Variants in MICU3 observed in about 807,000 individuals in gnomAD.
MICU3 encodes calcium uptake protein 3, mitochondrial.
In MICU3, 62 loss-of-function variants were observed where a neutral mutation model predicts 66.5. The ratio of observed to expected loss-of-function variants is 0.93; its 90% CI spans 0.76 to 1.15. The LOEUF (loss-of-function observed/expected upper bound fraction) is 1.15, where lower values mean the gene tolerates loss of function less well. Ranked by LOEUF, MICU3 falls within the 50% of genes most tolerant of loss-of-function variation. The pLI is 0.00. For missense variants in MICU3, 779 were observed against 664.4 expected, an observed-to-expected ratio of 1.17 and a Z score of -1.90; for synonymous variants, 308 against 240.7, an observed-to-expected ratio of 1.28 and a Z score of -2.59.
At chr8:17,043,656 T>C (rs553751698) in intron 1 of MICU3, among the ~76,000 whole-genome samples, 2 of 152,324 alleles carry the variant, frequency 1.3e-5, no homozygotes, top group South Asian at 2.1e-4. Flanking sequence ...GATTTTATGT[T>C]CTTATAGTAA....
chr8:17,027,807 C>G, intron 1 of MICU3, 147 bp downstream of exon 1: 1 of 1,056,808 alleles, frequency 9.5e-7, no homozygotes, highest in Non-Finnish European at 1.2e-6. Context: ...CTAGGCCGGA[C>G]AGCCTAGGAT....
intron 8 of MICU3, among the ~76,000 whole-genome samples, chr8:17,092,496 T>C (rs931133442): frequency 3.9e-5 from 6 of 152,048 alleles, no homozygotes; most frequent in Admixed American, 3.9e-4. Flanking sequence ...TAATATTTTT[T>C]CTTTATTTCA....
the MICU3 span, chr8:17,131,329 G>A: frequency 1.3e-5 from 2 of 152,214 alleles, no homozygotes; most frequent in South Asian, 4.1e-4. Context: ...CTGGATAGTG[G>A]AGAAGTCACT....
intron 3 of MICU3, among the ~76,000 whole-genome samples, chr8:17,075,566 A>G (rs527682880): frequency 3.3e-5 from 5 of 152,294 alleles, no homozygotes; most frequent in Admixed American, 1.3e-4. Context: ...GATTCCTGAC[A>G]TGGGTGGAAA....
intron 2 of MICU3, among the ~76,000 whole-genome samples, chr8:17,064,463 C>A (rs1262603228): frequency 6.6e-6 from 1 of 152,116 alleles, no homozygotes; most frequent in East Asian, 1.9e-4. Flanking sequence ...TTAACACCAT[C>A]TTACTTTTGA....
the MICU3 span, chr8:17,134,263 T>C: frequency 1.3e-5 from 2 of 152,172 alleles, no homozygotes; most frequent in African/African-American, 2.4e-5. Context: ...GAGACTCAGG[T>C]GAGCAGACGT....
intron 1 of MICU3, among the ~76,000 whole-genome samples, chr8:17,042,400 C>A (rs1290032441): frequency 6.6e-6 from 1 of 152,190 alleles, no homozygotes; most frequent in Non-Finnish European, 1.5e-5. Context: ...TTTAAAAAAT[C>A]AAGCAAGCTC....
chr8:17,112,885 G>A (rs550981165), intron 11 of MICU3, among the ~76,000 whole-genome samples: 4 of 152,124 alleles, frequency 2.6e-5, no homozygotes, highest in Non-Finnish European at 5.9e-5. Flanking sequence ...TCCACATCAC[G>A]ACAAACCCTT....
chr8:17,051,765 A>C (rs185554728), intron 1 of MICU3, among the ~76,000 whole-genome samples: 149 of 152,294 alleles, frequency 9.8e-4, no homozygotes, highest in Admixed American at 5.8e-3. Context: ...GTGGCATGGT[A>C]GAGAAGAGAG....
In MICU3 at chr8:17,085,629, G is replaced by T. The variant is rs113297784; in HGVS notation, c.777+311G>T. Among the ~76,000 whole-genome samples the T allele has an allele frequency of 5.8e-3, 875 of 152,106 alleles. 7 individuals carry two copies. The highest frequency in any genetic ancestry group is 0.02 in the African/African-American group (830 of 41,506). ...GTTATACATGCCCAATTAATATTCA[G>T]TCCCCATTATGTCATCCACCTAGGC... On this transcript the variant is annotated intron_variant, in intron 6 of 14. Transcript: ENST00000318063.
intron 1 of MICU3, among the ~76,000 whole-genome samples, chr8:17,055,425 G>A (rs186125388): frequency 5.9e-5 from 9 of 152,306 alleles, no homozygotes; most frequent in Non-Finnish European, 8.8e-5. Context: ...GTCACCCAAA[G>A]TTGGTATGAC....
intron 8 of MICU3, among the ~76,000 whole-genome samples, chr8:17,097,779 T>C (rs1275776698): frequency 6.6e-6 from 1 of 151,198 alleles, no homozygotes. Flanking sequence ...CTTCCTAGAG[T>C]GATTAGACTA....
At position 17,055,306 on chromosome 8, in the gene MICU3, T is replaced by C. The variant is rs564024148; in HGVS notation, c.382-8778T>C. 2.0e-5 allele frequency among the ~76,000 whole-genome samples: 3 copies of C among 152,272 alleles called. No individual in the cohort carries two copies. In the South Asian group the frequency reaches 6.2e-4, roughly 32 times the overall value. The stretch of plus-strand genomic sequence containing the variant: ...TAGAAGTGTTACCTCCCATGAGGCT[T>C]TTAATTTTACAAATGTGGTTTGTTT... On this transcript the variant is annotated intron_variant, in intron 1 of 14. Coordinates refer to ENST00000318063, the MANE Select transcript of MICU3 (RefSeq NM_181723.3).
the MICU3 span, among the ~76,000 whole-genome samples, chr8:17,128,217 C>T: frequency 7.0e-6 from 1 of 143,486 alleles, no homozygotes; most frequent in Admixed American, 7.0e-5. Flanking sequence ...CCAAAAGTTC[C>T]TGAGATCAGT....
chr8:17,103,663 C>T (rs978423909), intron 9 of MICU3, among the ~76,000 whole-genome samples: 2 of 151,546 alleles, frequency 1.3e-5, no homozygotes, highest in Non-Finnish European at 2.9e-5. Context: ...TTTTCATAGG[C>T]CATTATACTT....
chr8:17,031,303 T>TA (rs1812023744), intron 1 of MICU3, among the ~76,000 whole-genome samples: 1 of 148,994 alleles, frequency 6.7e-6, no homozygotes, highest in Non-Finnish European at 1.5e-5. Flanking sequence ...TTATTATTAT[T>TA]TTGAGACATA....
intron 13 of MICU3, among the ~76,000 whole-genome samples, chr8:17,117,133 A>G (rs1802759115): frequency 6.6e-6 from 1 of 151,862 alleles, no homozygotes; most frequent in South Asian, 2.1e-4. Context: ...GCATGCCACC[A>G]TGCCTGGCTA....
the MICU3 span, among the ~76,000 whole-genome samples, chr8:17,134,966 A>G: frequency 6.6e-6 from 1 of 152,172 alleles, no homozygotes. Context: ...ATACTATACC[A>G]TTTCATTCAG....
chr8:17,131,981 G>A, the MICU3 span: 3 of 152,100 alleles, frequency 2.0e-5, no homozygotes, highest in African/African-American at 7.2e-5. Context: ...ACACTTGAAT[G>A]CCATACAATA....
Sources: gnomAD v4.1 joint callset for allele counts (sites outside exome capture counted in the v4.1 genomes callset) on GRCh38, gnomAD v4.1.1 for gene constraint, MANE v1.5 for transcripts, NCBI Gene and HGNC (gene_info 2026-07-23, HGNC 2026-07-21) for gene names.